The following DLGAP1 variants were observed in gnomAD, a reference collection of about 807,000 sequenced individuals.
The protein encoded by DLGAP1 is disks large-associated protein 1.
Under a neutral mutation model 90.8 loss-of-function variants are expected in DLGAP1, and 11 were observed. The ratio of observed to expected loss-of-function variants is 0.12; its 90% CI spans 0.08 to 0.20. DLGAP1 has a LOEUF of 0.20. DLGAP1 is among the 10% of genes least tolerant of loss of function. The pLI, the probability that DLGAP1 is intolerant of heterozygous loss-of-function variation, is 1.00. For missense variants in DLGAP1, 1,050 were observed against 1,333.8 expected, an observed-to-expected ratio of 0.79 and a Z score of 3.31; for synonymous variants, 558 against 540.7, an observed-to-expected ratio of 1.03 and a Z score of -0.44.
At chr18:4,329,399 A>G (rs1010598897) in intron 1 of DLGAP1, among the ~76,000 whole-genome samples, 5 of 152,008 alleles carry the variant, frequency 3.3e-5, no homozygotes, top group African/African-American at 9.7e-5. Context: ...TTTTAGCAGT[A>G]GAGTATGACT....
At chr18:3,964,625 G>A (rs1362106377) in intron 3 of DLGAP1, among the ~76,000 whole-genome samples, 11 of 152,142 alleles carry the variant, frequency 7.2e-5, no homozygotes. Flanking sequence ...TGATGAGGAA[G>A]AGCCTTGAAG....
intron 5 of DLGAP1, among the ~76,000 whole-genome samples, chr18:3,766,510 C>G (rs932337539): frequency 2.6e-5 from 4 of 152,040 alleles, no homozygotes; most frequent in African/African-American, 9.7e-5. Context: ...TACCCAAGAA[C>G]AGCGGAATAC....
At chr18:3,654,600 A>C (rs1370186282) in intron 7 of DLGAP1, 1 of 152,230 alleles carries the variant, frequency 6.6e-6, no homozygotes, top group African/African-American at 2.4e-5. Context: ...TCAACAGATA[A>C]TTAACTGAAA....
At chr18:4,138,389 C>A (rs942178468) in intron 2 of DLGAP1, among the ~76,000 whole-genome samples, 9 of 151,830 alleles carry the variant, frequency 5.9e-5, no homozygotes, top group African/African-American at 2.2e-4. Context: ...AGGTTTTTGT[C>A]CTTAATTCTC....
intron 2 of DLGAP1, among the ~76,000 whole-genome samples, chr18:4,121,017 T>G (rs982661693): frequency 1.3e-4 from 20 of 152,206 alleles, no homozygotes; most frequent in Admixed American, 1.2e-3. Flanking sequence ...CATAAACAAA[T>G]GCAAGATGAG....
intron 1 of DLGAP1, among the ~76,000 whole-genome samples, chr18:4,415,283 G>T (rs3850796): frequency 0.055 from 8,287 of 152,044 alleles, 713 homozygotes; most frequent in African/African-American, 0.19. Flanking sequence ...TCATGTTCTG[G>T]ACAACTTTCT....
intron 1 of DLGAP1, among the ~76,000 whole-genome samples, chr18:4,248,994 A>G (rs1447260408): frequency 6.6e-6 from 1 of 152,132 alleles, no homozygotes; most frequent in African/African-American, 2.4e-5. Flanking sequence ...AGATACCCAC[A>G]TAGGGCACTT....
chr18:3,909,289 G>A (rs2148892995), intron 3 of DLGAP1, among the ~76,000 whole-genome samples: 1 of 152,268 alleles, frequency 6.6e-6, no homozygotes, highest in Non-Finnish European at 1.5e-5. Context: ...AGGTTTTTAA[G>A]CACCTAAGTT....
chr18:4,046,938 T>C (rs997796300), intron 2 of DLGAP1, among the ~76,000 whole-genome samples: 4 of 152,352 alleles, frequency 2.6e-5, no homozygotes, highest in South Asian at 2.1e-4. Flanking sequence ...AATTTTGGGA[T>C]GTCAGATTGA....
chr18:3,820,268 T>C (rs550274664), intron 4 of DLGAP1, among the ~76,000 whole-genome samples: 1 of 152,272 alleles, frequency 6.6e-6, no homozygotes, highest in East Asian at 1.9e-4. Context: ...GAAGCATATG[T>C]CCTGAAAATA....
At chr18:4,137,965 C>T (rs1030665369) in intron 2 of DLGAP1, among the ~76,000 whole-genome samples, 9 of 151,970 alleles carry the variant, frequency 5.9e-5, no homozygotes, top group Non-Finnish European at 1.2e-4. Flanking sequence ...TGATTTTGTA[C>T]CCTGCAACGT....
intron 7 of DLGAP1, among the ~76,000 whole-genome samples, chr18:3,629,649 G>T (rs1297354062): frequency 6.6e-6 from 1 of 151,916 alleles, no homozygotes; most frequent in Non-Finnish European, 1.5e-5. Context: ...TCCAGCCTGG[G>T]CAACAGAGTG....
intron 7 of DLGAP1, among the ~76,000 whole-genome samples, chr18:3,675,066 C>T (rs1476174142): frequency 6.6e-6 from 1 of 152,198 alleles, no homozygotes; most frequent in Non-Finnish European, 1.5e-5. Context: ...AAGTACCACG[C>T]AGTGGGTTAG....
At chr18:4,216,575 C>G (rs1477863530) in intron 1 of DLGAP1, among the ~76,000 whole-genome samples, 1 of 152,020 alleles carries the variant, frequency 6.6e-6, no homozygotes, top group Non-Finnish European at 1.5e-5. Flanking sequence ...TAGCTTAATG[C>G]AACAATGATT....
intron 1 of DLGAP1, among the ~76,000 whole-genome samples, chr18:4,432,502 T>A (rs563770820): frequency 6.6e-6 from 1 of 151,926 alleles, no homozygotes; most frequent in African/African-American, 2.4e-5. Context: ...AAAAATTATA[T>A]ATATTTACAG....
intron 7 of DLGAP1, among the ~76,000 whole-genome samples, chr18:3,720,455 G>GTCTTC (rs757780577): frequency 5.3e-5 from 8 of 152,042 alleles, no homozygotes; most frequent in Non-Finnish European, 1.2e-4. Context: ...ATTCATTTTG[G>GTCTTC]TCTTCTCTAT....
intron 2 of DLGAP1, among the ~76,000 whole-genome samples, chr18:4,027,732 A>C (rs75115334): frequency 0.06 from 9,127 of 152,108 alleles, 928 homozygotes; most frequent in African/African-American, 0.21. Context: ...ATTTGAGATC[A>C]ACTTAGAACT....
intron 2 of DLGAP1, among the ~76,000 whole-genome samples, chr18:4,079,092 C>T (rs570446850): frequency 2.6e-5 from 4 of 152,262 alleles, no homozygotes; most frequent in East Asian, 1.9e-4. Flanking sequence ...GATCAGAGCA[C>T]GGACTTCCCA....
intron 3 of DLGAP1, among the ~76,000 whole-genome samples, chr18:3,941,045 C>G (rs915877927): frequency 6.6e-6 from 1 of 152,076 alleles, no homozygotes; most frequent in Non-Finnish European, 1.5e-5. Context: ...GTAAAGAGAG[C>G]CACGAATATA....
Sources: allele counts gnomAD v4.1 joint callset (sites outside exome capture counted in the v4.1 genomes callset), GRCh38; gene constraint gnomAD v4.1.1; transcripts MANE v1.5; gene names NCBI Gene and HGNC (gene_info 2026-07-23, HGNC 2026-07-21).